TENM2: variants seen among roughly 807,000 people sequenced by gnomAD.
TENM2 encodes the protein teneurin-2.
Under a neutral mutation model 245.2 loss-of-function variants are expected in TENM2, and 52 were observed. The observed-to-expected ratio is 0.21, with a 90% CI of 0.17 to 0.27. The LOEUF (loss-of-function observed/expected upper bound fraction) is 0.27. Among genes scored for constraint, TENM2 ranks in the 10% least tolerant of loss-of-function variants. The probability of loss-of-function intolerance (pLI) is 1.00; values close to 1 mark genes in which losing one functional copy is unlikely to be tolerated. For synonymous variants in TENM2, 1,363 were observed against 1,438.9 expected (o/e 0.95, Z 1.19); for missense variants, 3,046 against 3,666.8 (o/e 0.83, Z 4.37).
rs944759167 is a variant in TENM2, at chr5:167,604,488, G to A, written c.502+229015G>A. Among the ~76,000 whole-genome samples the A allele has an allele frequency of 5.3e-5, 8 of 152,188 alleles. No individual in the cohort carries two copies. The East Asian group carries it at 9.7e-4, about 18-fold the overall frequency. On this transcript the variant is annotated intron_variant, in intron 2 of 28. Coordinates refer to ENST00000518659, the Ensembl canonical transcript of TENM2. ...CTTTATTTTAAGTAGCTTAATCACC[G>A]TTAATCTTTTGGGGTAACTTTCTTG...
intron 1 of TENM2, among the ~76,000 whole-genome samples, chr5:167,331,151 A>G (rs923790544): frequency 8.8e-5 from 13 of 148,396 alleles, no homozygotes; most frequent in African/African-American, 3.0e-4. Context: ...CAGGAGAATC[A>G]CTTGAACACG....
chr5:167,718,641 G>A (rs998373181), intron 2 of TENM2, among the ~76,000 whole-genome samples: 1 of 152,162 alleles, frequency 6.6e-6, no homozygotes, highest in South Asian at 2.1e-4. Context: ...CCATTGTATA[G>A]TGGAAAGAAT....
chr5:167,120,040 G>A, the TENM2 span, among the ~76,000 whole-genome samples: 1 of 152,142 alleles, frequency 6.6e-6, no homozygotes, highest in Non-Finnish European at 1.5e-5. Context: ...AATAGGGTGG[G>A]ATAGAGAACA....
intron 1 of TENM2, among the ~76,000 whole-genome samples, chr5:167,361,420 A>T (rs929420723): frequency 6.6e-6 from 1 of 152,176 alleles, no homozygotes; most frequent in African/African-American, 2.4e-5. Flanking sequence ...ATGTGTCTAT[A>T]AACAACATAT....
At chr5:167,105,594 T>C in the TENM2 span, among the ~76,000 whole-genome samples, 59 of 152,184 alleles carry the variant, frequency 3.9e-4, no homozygotes, top group Non-Finnish European at 7.1e-4. Context: ...ATATGATTTT[T>C]AAGAAAGTGA....
chr5:167,535,442 C>T (rs1771786774), intron 2 of TENM2, among the ~76,000 whole-genome samples: 1 of 152,076 alleles, frequency 6.6e-6, no homozygotes, highest in South Asian at 2.1e-4. Flanking sequence ...AAGGAGAAGA[C>T]ACAAAACATG....
At chr5:167,714,341 G>T (rs1238314260) in intron 2 of TENM2, among the ~76,000 whole-genome samples, 1 of 152,254 alleles carries the variant, frequency 6.6e-6, no homozygotes, top group Admixed American at 6.5e-5. Flanking sequence ...GGATTGGGGA[G>T]TGGGTTTACC....
At chr5:167,259,217 A>G in the TENM2 span, among the ~76,000 whole-genome samples, 5 of 152,148 alleles carry the variant, frequency 3.3e-5, no homozygotes, top group Admixed American at 1.3e-4. Context: ...GGTAATGCGA[A>G]TGATGGAACA....
chr5:167,081,327 C>T, the TENM2 span, among the ~76,000 whole-genome samples: 2 of 151,980 alleles, frequency 1.3e-5, no homozygotes, highest in African/African-American at 2.4e-5. Flanking sequence ...GCTGACATAA[C>T]CTTTCTCGTT....
chr5:167,883,856 T>C (rs1774075048), intron 3 of TENM2, among the ~76,000 whole-genome samples: 1 of 152,214 alleles, frequency 6.6e-6, no homozygotes, highest in Non-Finnish European at 1.5e-5. Flanking sequence ...TTGTTAGGGA[T>C]GTCTCAATTC....
intron 2 of TENM2, among the ~76,000 whole-genome samples, chr5:167,777,751 T>G (rs774005908): frequency 6.6e-6 from 1 of 152,234 alleles, no homozygotes; most frequent in African/African-American, 2.4e-5. Flanking sequence ...TTGTTTAGTA[T>G]TATTTTTCTT....
chr5:167,209,649 T>A, the TENM2 span, among the ~76,000 whole-genome samples: 1 of 152,226 alleles, frequency 6.6e-6, no homozygotes, highest in East Asian at 1.9e-4. Flanking sequence ...TTTTCTGCTC[T>A]TTGTAAAATC....
the TENM2 span, among the ~76,000 whole-genome samples, chr5:167,268,627 C>T: frequency 1.3e-5 from 2 of 152,138 alleles, no homozygotes; most frequent in South Asian, 4.1e-4. Context: ...GGTTAGCATA[C>T]TGTGGCCTGG....
intron 2 of TENM2, among the ~76,000 whole-genome samples, chr5:167,765,477 TGGTTTTGTGCCTAAGTGTTACATCA>T (rs1406124450): frequency 6.6e-6 from 1 of 152,174 alleles, no homozygotes; most frequent in Non-Finnish European, 1.5e-5. Flanking sequence ...ATCTGCCAGC[TGGTTTTGTGCCTAAGTGTTACATCA>T]GTCTCTTGTA....
intron 7 of TENM2, among the ~76,000 whole-genome samples, chr5:168,089,951 A>G (rs1792780687): frequency 1.3e-5 from 2 of 152,148 alleles, no homozygotes; most frequent in Non-Finnish European, 1.5e-5. Context: ...CACAGACAGG[A>G]GAAGCTAGTA....
At chr5:167,583,971 G>A (rs976088971) in intron 2 of TENM2, among the ~76,000 whole-genome samples, 2 of 151,984 alleles carry the variant, frequency 1.3e-5, no homozygotes, top group African/African-American at 4.8e-5. Flanking sequence ...AGTTTTTCTC[G>A]ACTACTCCTC....
At chr5:167,476,627 C>T (rs1205562826) in intron 2 of TENM2, among the ~76,000 whole-genome samples, 2 of 152,008 alleles carry the variant, frequency 1.3e-5, no homozygotes, top group East Asian at 1.9e-4. Flanking sequence ...GGTGGAGTTT[C>T]ACTCTTTGTT....
At chr5:167,932,425 T>C (rs1396975537) in intron 3 of TENM2, among the ~76,000 whole-genome samples, 1 of 152,160 alleles carries the variant, frequency 6.6e-6, no homozygotes, top group East Asian at 1.9e-4. Context: ...TGTATATGTA[T>C]GTTTGAATGA....
intron 2 of TENM2, among the ~76,000 whole-genome samples, chr5:167,611,344 A>T (rs942701003): frequency 2.0e-5 from 3 of 152,116 alleles, no homozygotes; most frequent in African/African-American, 7.2e-5. Context: ...CCCAGTGCCC[A>T]CAGGCTCTGG....
Sources: gnomAD v4.1 joint callset for allele counts (sites outside exome capture counted in the v4.1 genomes callset) on GRCh38, gnomAD v4.1.1 for gene constraint, MANE v1.5 for transcripts, NCBI Gene and HGNC (gene_info 2026-07-23, HGNC 2026-07-21) for gene names.